Variants in CFAP92 observed in about 807,000 individuals in gnomAD.
The protein encoded by CFAP92 is cilia and flagella associated protein 92 (putative).
Under a neutral mutation model 106.3 loss-of-function variants are expected in CFAP92, and 86 were observed. That is an observed-to-expected ratio of 0.81 (90% CI 0.68 to 0.97). CFAP92 has a LOEUF of 0.97. Among genes scored for constraint, CFAP92 ranks in the 50% least tolerant of loss-of-function variants. The pLI, the probability that CFAP92 is intolerant of heterozygous loss-of-function variation, is 0.00. For missense variants in CFAP92, 1,204 were observed against 1,283.8 expected (o/e 0.94, Z 0.95); for synonymous variants, 477 against 506.4 (o/e 0.94, Z 0.78).
At chr3:128,983,248 T>C (rs1490689147) in intron 4 of CFAP92, among the ~76,000 whole-genome samples, 3 of 152,082 alleles carry the variant, frequency 2.0e-5, no homozygotes, top group African/African-American at 4.8e-5. Context: ...TAAGCACACA[T>C]GTCTGGGATA....
chr3:129,022,954 TCTC>T, the CFAP92 span, among the ~76,000 whole-genome samples: 1 of 152,152 alleles, frequency 6.6e-6, no homozygotes, highest in African/African-American at 2.4e-5. Flanking sequence ...GTCTCCAACT[TCTC>T]CTCACAGTTG....
In CFAP92 at chr3:128,993,969, G is replaced by T; in HGVS notation, c.-33+11C>A. The stretch of plus-strand genomic sequence containing the variant: ...CAGGGGTCGGGGTTCCCCTCCAGGT[G>T]CTGGCGGTACCTGCGAGCGGATGCG... On this transcript the variant is annotated intron_variant, in intron 1 of 15. Transcript: ENST00000645291. The T allele has an allele frequency of 1.0e-6, 1 of 987,702 alleles. No homozygotes were observed. 61.2% of individuals were successfully genotyped at this position (987,702 alleles called of 1,614,324 possible). A position where few individuals can be genotyped will look rare whatever the true frequency, so the allele number is the denominator to read the frequency against.
At chr3:128,975,461 A>G (rs1943089974) in intron 7 of CFAP92, among the ~76,000 whole-genome samples, 1 of 149,174 alleles carries the variant, frequency 6.7e-6, no homozygotes, top group Non-Finnish European at 1.5e-5. Flanking sequence ...GGATGGATGG[A>G]TGGATGGATG....
At chr3:129,011,997 TC>T in the CFAP92 span, among the ~76,000 whole-genome samples, 5 of 152,198 alleles carry the variant, frequency 3.3e-5, no homozygotes, top group Admixed American at 3.3e-4. Context: ...AGTCTGTAGC[TC>T]TTTCTGCTAC....
chr3:128,956,653 GAAGA>G (rs1369295530), intron 9 of CFAP92, among the ~76,000 whole-genome samples: 1 of 151,974 alleles, frequency 6.6e-6, no homozygotes. Flanking sequence ...GTAGTGGTAA[GAAGA>G]AAGTGGTATA....
chr3:128,987,690 ATCTTG>A lies in CFAP92; in HGVS notation c.588_592del (p.Lys197ValfsTer23), dbSNP rs772177707. The A allele has an allele frequency of 3.0e-5, 48 of 1,614,010 alleles. No individual in the cohort carries two copies. The South Asian group carries it at 4.5e-4, about 15-fold the overall frequency. On this transcript the variant is annotated frameshift_variant, in exon 4 of 16. Transcript: ENST00000645291. LOFTEE classifies it high-confidence loss of function. ...TCGGTAATATCTGACTTTTCTTGAC[ATCTTG>A]TCTTTAGTGTTCCAGAGCCTCAAGG... is the stretch of plus-strand genomic sequence containing the variant.
intron 12 of CFAP92, among the ~76,000 whole-genome samples, chr3:128,931,077 A>C (rs982185158): frequency 4.6e-5 from 7 of 152,136 alleles, no homozygotes; most frequent in Non-Finnish European, 8.8e-5. Context: ...AGCTAATTTT[A>C]GTATTTTTAG....
intron 12 of CFAP92, among the ~76,000 whole-genome samples, chr3:128,924,202 G>A (rs1207354813): frequency 2.0e-5 from 3 of 152,118 alleles, no homozygotes; most frequent in South Asian, 4.1e-4. Context: ...CTTGGAACAT[G>A]TCTGGGGTCC....
At chr3:128,974,491 A>G (rs1943016122) in intron 7 of CFAP92, among the ~76,000 whole-genome samples, 1 of 152,226 alleles carries the variant, frequency 6.6e-6, no homozygotes, top group Admixed American at 6.5e-5. Context: ...AACGGATCCC[A>G]TAACACAGGA....
In CFAP92 at chr3:128,932,957, C is replaced by T. The variant is rs559767534; in HGVS notation, c.2494G>A (p.Val832Met). Residue 832 changes from valine (V) to methionine (M), a missense_variant, in exon 12 of 16, where the codon GTG (valine) becomes ATG (methionine). Coordinates refer to ENST00000645291, the MANE Select transcript of CFAP92 (RefSeq NM_001394090.1). ...GAGGGCAGCAGGTCCCTCACCGTCA[C>T]GTCCCAGAGGGTGGTGCTGTTATAG... is the stretch of plus-strand genomic sequence containing the variant. Reference protein sequence around the residue: ...ICYNSTTLWDVTVRDLLPSSA... With the variant: ...ICYNSTTLWDMTVRDLLPSSA... 6.1e-5 allele frequency: 93 copies of T among 1,536,126 alleles called. No homozygotes were observed. In the South Asian group the frequency reaches 6.9e-4, roughly 11 times the overall value.
chr3:128,919,871 T>C (rs939629470), intron 12 of CFAP92, among the ~76,000 whole-genome samples: 1 of 152,092 alleles, frequency 6.6e-6, no homozygotes, highest in African/African-American at 2.4e-5. Context: ...ATTCAGAAAA[T>C]CTGCTTTAGG....
upstream of CFAP92, chr3:129,003,312 T>C (rs746861023): frequency 3.3e-5 from 32 of 983,602 alleles, no homozygotes; most frequent in Non-Finnish European, 3.7e-5. Flanking sequence ...ACCTACTATG[T>C]GCCAGGTTTG....
chr3:128,999,568 T>C (rs975503259), intron 1 of CFAP92, among the ~76,000 whole-genome samples: 6 of 136,258 alleles, frequency 4.4e-5, no homozygotes, highest in African/African-American at 1.7e-4. Flanking sequence ...AGACGGAGTC[T>C]CGCTCTGTCG....
At chr3:128,939,839 A>G (rs144193628) in intron 10 of CFAP92, among the ~76,000 whole-genome samples, 2,019 of 152,290 alleles carry the variant, frequency 0.013, 46 homozygotes, top group African/African-American at 0.045. Flanking sequence ...ACAGTTCACA[A>G]AAGTGTTCCC....
chr3:128,965,191 T>A (rs983682531), intron 9 of CFAP92, among the ~76,000 whole-genome samples: 2 of 152,168 alleles, frequency 1.3e-5, no homozygotes, highest in African/African-American at 4.8e-5. Flanking sequence ...GAGAATGTAC[T>A]TTGTGAGATC....
At chr3:128,910,717 C>CTT (rs1197368892) in intron 15 of CFAP92, 2 of 1,613,850 alleles carry the variant, frequency 1.2e-6, no homozygotes, top group Non-Finnish European at 1.7e-6. Flanking sequence ...TTGGGCATAT[C>CTT]TTTTCTGTCC....
chr3:128,949,668 A>G (rs563025408), intron 9 of CFAP92, among the ~76,000 whole-genome samples: 3 of 152,328 alleles, frequency 2.0e-5, no homozygotes, highest in Non-Finnish European at 1.5e-5. Context: ...TAGTGGTGAT[A>G]ATATTGATCT....
At chr3:128,984,600 C>T (rs1389709711) in intron 4 of CFAP92, among the ~76,000 whole-genome samples, 1 of 152,180 alleles carries the variant, frequency 6.6e-6, no homozygotes, top group African/African-American at 2.4e-5. Flanking sequence ...TTTTGGGACT[C>T]GGACTGGCTT....
At chr3:128,937,175 C>T (rs1189088158) in intron 10 of CFAP92, among the ~76,000 whole-genome samples, 1 of 151,866 alleles carries the variant, frequency 6.6e-6, no homozygotes, top group Non-Finnish European at 1.5e-5. Context: ...GTGGTGCACA[C>T]CTGTAGTCCT....
Sources: allele counts gnomAD v4.1 joint callset (sites outside exome capture counted in the v4.1 genomes callset), GRCh38; gene constraint gnomAD v4.1.1; transcripts MANE v1.5; gene names NCBI Gene and HGNC (gene_info 2026-07-23, HGNC 2026-07-21).